Variants in ESCO1 observed in about 807,000 individuals in gnomAD.
The protein encoded by ESCO1 is establishment of sister chromatid cohesion N-acetyltransferase 1.
Under a neutral mutation model 83.5 loss-of-function variants are expected in ESCO1, and 33 were observed. The ratio of observed to expected loss-of-function variants is 0.40; its 90% CI spans 0.30 to 0.53. The LOEUF (loss-of-function observed/expected upper bound fraction) is 0.53. Ranked by LOEUF, ESCO1 falls within the 20% of genes least tolerant of loss-of-function variation. ESCO1 has a pLI of 0.63. For missense variants in ESCO1, 855 were observed against 968.0 expected (o/e 0.88, Z 1.55); for synonymous variants, 332 against 324.3 (o/e 1.02, Z -0.25).
intron 1 of ESCO1, among the ~76,000 whole-genome samples, chr18:21,599,435 A>G (rs2038809957): frequency 6.6e-6 from 1 of 152,226 alleles, no homozygotes. Context: ...TGAATATAGC[A>G]TAGTTCACTG....
At chr18:21,558,144 C>A (rs201298737) in intron 8 of ESCO1, among the ~76,000 whole-genome samples, 1 of 151,846 alleles carries the variant, frequency 6.6e-6, no homozygotes, top group Non-Finnish European at 1.5e-5. Flanking sequence ...TGCCACCACG[C>A]CCAGCTAACT....
chr18:21,600,410 C>T (rs995621750), intron 1 of ESCO1, among the ~76,000 whole-genome samples: 3 of 152,252 alleles, frequency 2.0e-5, no homozygotes, highest in African/African-American at 7.2e-5. Context: ...ACGTTAGCTG[C>T]CTACCTCAAG....
chr18:21,549,922 A>G (rs1194626168), intron 8 of ESCO1, among the ~76,000 whole-genome samples: 2 of 151,470 alleles, frequency 1.3e-5, no homozygotes, highest in Non-Finnish European at 2.9e-5. Context: ...AGCCAAGATC[A>G]CGCCACTGCA....
chr18:21,599,123 T>TC (rs1359924547), intron 1 of ESCO1, among the ~76,000 whole-genome samples: 3 of 151,734 alleles, frequency 2.0e-5, no homozygotes, highest in African/African-American at 4.8e-5. Flanking sequence ...GATCACTTGA[T>TC]CCCAGGAGTT....
At chr18:21,583,241 C>A (rs112028536) in intron 2 of ESCO1, among the ~76,000 whole-genome samples, 1 of 152,028 alleles carries the variant, frequency 6.6e-6, no homozygotes, top group Non-Finnish European at 1.5e-5. Flanking sequence ...TATGGATGAA[C>A]CTTGCAATCA....
At chr18:21,593,114 G>A in intron 1 of ESCO1, 1 of 162,958 alleles carries the variant, frequency 6.1e-6, no homozygotes, top group South Asian at 1.2e-4. Context: ...AGACTGGGCA[G>A]CCAGGCAGAG....
chr18:21,536,450 G>A (rs574027095), intron 9 of ESCO1, among the ~76,000 whole-genome samples: 1 of 152,062 alleles, frequency 6.6e-6, no homozygotes, highest in African/African-American at 2.4e-5. Flanking sequence ...AATTAGCCAG[G>A]TGCCGCAGTG....
chr18:21,546,058 C>A (rs1598982173), intron 8 of ESCO1, among the ~76,000 whole-genome samples: 1 of 152,212 alleles, frequency 6.6e-6, no homozygotes, highest in Non-Finnish European at 1.5e-5. Flanking sequence ...TGGAAAAATT[C>A]TCTCAATTCA....
intron 4 of ESCO1, among the ~76,000 whole-genome samples, chr18:21,568,732 G>C (rs1487642793): frequency 2.6e-5 from 4 of 151,888 alleles, no homozygotes; most frequent in Non-Finnish European, 4.4e-5. Flanking sequence ...GTGAAACCTC[G>C]TCTCTACTAA....
rs764499245 is a variant in ESCO1 at position 21,530,072 on chromosome 18, A to G, written c.*271T>C. ...ATTAGTTTTCAGTCCACTATGAACA[A>G]TTATCTGCTGCATGTAAACATGTCT... On this transcript the variant is annotated 3_prime_UTR_variant, in exon 12 of 12. Coordinates refer to ENST00000269214, the MANE Select transcript of ESCO1 (RefSeq NM_052911.3). 3.0e-4 allele frequency: 82 copies of G among 277,806 alleles called. No homozygotes were observed. Among genetic ancestry groups the G allele is most frequent in the Non-Finnish European group, 4.1e-4 (62 of 150,870 alleles). The allele number at this position is 277,806 out of a possible 1,614,324, so 17.2% of individuals were successfully genotyped here. A position where few individuals can be genotyped will look rare whatever the true frequency, so the allele number is the denominator to read the frequency against.
At chr18:21,573,211 T>C (rs2038363888) in intron 4 of ESCO1, 103 bp downstream of exon 4, 1 of 1,166,400 alleles carries the variant, frequency 8.6e-7, no homozygotes, top group Admixed American at 2.9e-5. Flanking sequence ...CTTAAACAAC[T>C]CTTCAATCTT....
At chr18:21,592,350 C>G (rs1385440004) in intron 1 of ESCO1, among the ~76,000 whole-genome samples, 1 of 142,730 alleles carries the variant, frequency 7.0e-6, no homozygotes, top group African/African-American at 2.6e-5. Flanking sequence ...CCTCACCTCC[C>G]GGACGAGGCG....
intron 8 of ESCO1, among the ~76,000 whole-genome samples, chr18:21,547,548 A>G (rs912601836): frequency 2.0e-5 from 3 of 152,166 alleles, no homozygotes; most frequent in Non-Finnish European, 4.4e-5. Context: ...AAGGTGCAAT[A>G]AAGTATATGC....
intron 1 of ESCO1, among the ~76,000 whole-genome samples, chr18:21,597,976 A>G (rs766795348): frequency 6.6e-6 from 1 of 152,228 alleles, no homozygotes; most frequent in African/African-American, 2.4e-5. Flanking sequence ...TTATACAGGA[A>G]AAACAGAACC....
intron 8 of ESCO1, among the ~76,000 whole-genome samples, chr18:21,553,736 A>G (rs2038076070): frequency 6.6e-6 from 1 of 151,888 alleles, no homozygotes; most frequent in Non-Finnish European, 1.5e-5. Context: ...GCATGCCGGC[A>G]ATCCCAGCTA....
At chr18:21,535,858 G>A (rs2037830384) in intron 10 of ESCO1, among the ~76,000 whole-genome samples, 184 bp downstream of exon 10, 1 of 152,184 alleles carries the variant, frequency 6.6e-6, no homozygotes, top group Non-Finnish European at 1.5e-5. Context: ...TTACTGACTT[G>A]AGAAACTAAT....
chr18:21,571,878 C>T (rs148232034), intron 4 of ESCO1, among the ~76,000 whole-genome samples: 248 of 152,274 alleles, frequency 1.6e-3, no homozygotes, highest in African/African-American at 5.6e-3. Context: ...TTAATTGATG[C>T]TTGCATTCCT....
At chr18:21,536,255 G>A in intron 9 of ESCO1, 70 bp from the exon 10 acceptor site, 3 of 1,491,282 alleles carry the variant, frequency 2.0e-6, no homozygotes, top group Non-Finnish European at 2.7e-6. Flanking sequence ...CACTATTTCA[G>A]TTCAGTAGAT....
At chr18:21,563,642 C>CT (rs2146200990) in intron 7 of ESCO1, among the ~76,000 whole-genome samples, 1 of 152,348 alleles carries the variant, frequency 6.6e-6, no homozygotes, top group African/African-American at 2.4e-5. Context: ...GCCACTGCAC[C>CT]TGGCCTGGGA....
Sources: gnomAD v4.1 joint callset for allele counts (sites outside exome capture counted in the v4.1 genomes callset) on GRCh38, gnomAD v4.1.1 for gene constraint, MANE v1.5 for transcripts, NCBI Gene and HGNC (gene_info 2026-07-23, HGNC 2026-07-21) for gene names.